CES5A: variants seen among roughly 807,000 people sequenced by gnomAD.
CES5A encodes the protein carboxylesterase 5.
A neutral mutation model predicts 62.9 loss-of-function variants in CES5A; 67 were observed. That is an observed-to-expected ratio of 1.07 (90% CI 0.88 to 1.31). The LOEUF (loss-of-function observed/expected upper bound fraction) is 1.31, where lower values mean the gene tolerates loss of function less well. Among genes scored for constraint, CES5A ranks in the 50% most tolerant of loss-of-function variants. The pLI is 0.00. For synonymous variants in CES5A, 296 were observed against 280.8 expected (o/e 1.05, Z -0.54); for missense variants, 748 against 708.5 (o/e 1.06, Z -0.63).
At chr16:55,865,515 C>T (rs1379668778) in intron 5 of CES5A, among the ~76,000 whole-genome samples, 2 of 152,180 alleles carry the variant, frequency 1.3e-5, no homozygotes, top group African/African-American at 2.4e-5. Context: ...TGTTGGAAAT[C>T]GAGTCAGCAG....
At chr16:55,863,785 T>A (rs12445603) in intron 5 of CES5A, among the ~76,000 whole-genome samples, 23,581 of 149,050 alleles carry the variant, frequency 0.16, 2,235 homozygotes, top group Middle Eastern at 0.28. Context: ...TGAGATGGAG[T>A]CTCGCTCTGT....
chr16:55,899,474 G>A (rs1270245953), intron 1 of CES5A, among the ~76,000 whole-genome samples: 1 of 152,194 alleles, frequency 6.6e-6, no homozygotes, highest in Non-Finnish European at 1.5e-5. Flanking sequence ...TCACATGGTA[G>A]TGTTGAGCTG....
Position 55,869,719 on chromosome 16 carries a change from G to A in CES5A, c.443C>T (p.Ala148Val). Residue 148 changes from alanine to valine, a missense_variant, in exon 4 of 13, where the codon GCC becomes GTC. Coordinates refer to ENST00000290567, the MANE Select transcript of CES5A (RefSeq NM_001143685.2). Reference sequence around the variant, plus strand: ...GATGGAGGCTGAGCCAGTCTTGAAGGCACCTCCTGGGAACCACACCAAGAC... The same window carrying A: ...GATGGAGGCTGAGCCAGTCTTGAAGACACCTCCTGGGAACCACACCAAGAC... ...LPVLVWFPGG[A>V]FKTGSASIFD... 1 of 1,606,322 alleles carries A rather than the reference G, an allele frequency of 6.2e-7. No homozygotes were observed. The highest frequency in any genetic ancestry group is 8.5e-7 in the Non-Finnish European group (1 of 1,175,490).
At chr16:55,863,295 A>G (rs1379908502) in intron 6 of CES5A, 53 bp downstream of exon 6, 4 of 980,606 alleles carry the variant, frequency 4.1e-6, no homozygotes, top group Non-Finnish European at 6.6e-6. Context: ...GCCTGACCAC[A>G]TTCTCTGCTA....
At chr16:55,912,067 C>T (rs1479469867) in intron 1 of CES5A, among the ~76,000 whole-genome samples, 2 of 152,190 alleles carry the variant, frequency 1.3e-5, no homozygotes, top group African/African-American at 2.4e-5. Context: ...AGCTCACAGG[C>T]CTTGTATCAA....
At chr16:55,869,861 G>A in intron 3 of CES5A, 117 bp from the exon 4 acceptor site, 1 of 1,387,280 alleles carries the variant, frequency 7.2e-7, no homozygotes, top group Non-Finnish European at 9.6e-7. Flanking sequence ...TAAGCAGGGT[G>A]CGAGGTTTTG....
chr16:55,892,062 T>C (rs1815987), intron 1 of CES5A, among the ~76,000 whole-genome samples: 111,570 of 152,014 alleles, frequency 0.73, 41,006 homozygotes, highest in African/African-American at 0.77. Flanking sequence ...TTTTAAAGGC[T>C]TGAATAGAAA....
At chr16:55,874,783 C>T (rs1255488863) in intron 1 of CES5A, among the ~76,000 whole-genome samples, 2 of 152,246 alleles carry the variant, frequency 1.3e-5, no homozygotes, top group South Asian at 2.1e-4. Flanking sequence ...TAGCAAAACC[C>T]GGGTGTCTTA....
chr16:55,925,511 G>A (rs2034249702), upstream of CES5A: 1 of 151,986 alleles, frequency 6.6e-6, no homozygotes, highest in South Asian at 2.1e-4. Context: ...CAACTACTGG[G>A]TATATGTCCA....
intron 5 of CES5A, among the ~76,000 whole-genome samples, chr16:55,863,761 CT>C (rs35575589): frequency 0.32 from 44,855 of 141,144 alleles, 7,448 homozygotes; most frequent in African/African-American, 0.46. Flanking sequence ...CTTTTTATTT[CT>C]TTTTTTTTTT....
At chr16:55,895,710 G>T (rs1246130475) in intron 1 of CES5A, among the ~76,000 whole-genome samples, 8 of 152,168 alleles carry the variant, frequency 5.3e-5, no homozygotes, top group Non-Finnish European at 2.9e-5. Context: ...AGCACTATTT[G>T]GATAGAATGA....
chr16:55,856,310 G>A (rs1230457839), intron 9 of CES5A, 67 bp downstream of exon 9: 9 of 1,461,136 alleles, frequency 6.2e-6, no homozygotes, highest in Admixed American at 1.7e-5. Flanking sequence ...CTCCTGCTGA[G>A]TGTGACCTAG....
At chr16:55,879,569 A>G (rs762003268), upstream of CES5A, among the ~76,000 whole-genome samples, 6 of 151,994 alleles carry the variant, frequency 3.9e-5, no homozygotes, top group Admixed American at 1.3e-4. Context: ...TCCAGTGTTT[A>G]TTATGTTTTC....
chr16:55,916,088 C>T (rs1311047273), intron 1 of CES5A, among the ~76,000 whole-genome samples: 2 of 152,090 alleles, frequency 1.3e-5, no homozygotes, highest in African/African-American at 4.8e-5. Flanking sequence ...GGTTGTTTGG[C>T]AAGCCAGGGA....
At chr16:55,905,947 CACA>C (rs1412469227) in intron 1 of CES5A, among the ~76,000 whole-genome samples, 3 of 152,110 alleles carry the variant, frequency 2.0e-5, no homozygotes, top group African/African-American at 7.2e-5. Flanking sequence ...ATTTGATCAT[CACA>C]ACAACACTCC....
At chr16:55,874,227 A>G (rs1342367474) in intron 1 of CES5A, among the ~76,000 whole-genome samples, 190 bp from the exon 2 acceptor site, 2 of 152,216 alleles carry the variant, frequency 1.3e-5, no homozygotes, top group Non-Finnish European at 2.9e-5. Flanking sequence ...AGTCACCCCC[A>G]TGAAACCACT....
rs529607828 is a variant in CES5A, at chr16:55,847,806, T to C, written c.1424-966A>G. Among the ~76,000 whole-genome samples, 15 of 152,356 alleles carry C rather than the reference T, an allele frequency of 9.8e-5. No individual in the cohort carries two copies. The South Asian group carries it at 2.7e-3, about 27-fold the overall frequency. On this transcript the variant is annotated intron_variant, in intron 11 of 12. Transcript: ENST00000290567. ...ATTTCCGATCTTTTGCTGGTAAAAG[T>C]AATATTTTAGTGTGCATATATACTT...
rs548517719 is a variant in CES5A, at chr16:55,883,307, G to T, written c.-255-9270C>A. Among the ~76,000 whole-genome samples, 3 of 152,092 alleles carry T rather than the reference G, an allele frequency of 2.0e-5. No homozygotes were observed. In the South Asian group the frequency reaches 6.2e-4, roughly 32 times the overall value. ...TTTGTTTCGTTTTAGATGGAGTCTC[G>T]CTCTGTCACCAGGCTGGAGTGCAGT... On this transcript the variant is annotated intron_variant, in intron 1 of 12. Transcript: ENST00000518005.
intron 2 of CES5A, among the ~76,000 whole-genome samples, chr16:55,930,569 C>A (rs1483520702): frequency 6.6e-6 from 1 of 152,222 alleles, no homozygotes; most frequent in Non-Finnish European, 1.5e-5. Context: ...AGAGTCCCCA[C>A]CAGCAAGAAG....
Sources: gnomAD v4.1 joint callset for allele counts (sites outside exome capture counted in the v4.1 genomes callset) on GRCh38, gnomAD v4.1.1 for gene constraint, MANE v1.5 for transcripts, NCBI Gene and HGNC (gene_info 2026-07-23, HGNC 2026-07-21) for gene names.